CATSPERD: variants seen among roughly 807,000 people sequenced by gnomAD.
CATSPERD encodes the protein catsper channel auxiliary subunit delta.
A neutral mutation model predicts 98.1 loss-of-function variants in CATSPERD; 86 were observed. The ratio of observed to expected loss-of-function variants is 0.88; its 90% CI spans 0.74 to 1.05. The LOEUF (loss-of-function observed/expected upper bound fraction) is 1.05. Among genes scored for constraint, CATSPERD ranks in the 50% least tolerant of loss-of-function variants. CATSPERD has a pLI of 0.00. For missense variants in CATSPERD, 995 were observed against 1,005.7 expected, an observed-to-expected ratio of 0.99 and a Z score of 0.14; for synonymous variants, 394 against 390.2, an observed-to-expected ratio of 1.01 and a Z score of -0.12.
chr19:5,723,612 C>T (rs572943827), intron 1 of CATSPERD, among the ~76,000 whole-genome samples: 11 of 150,546 alleles, frequency 7.3e-5, no homozygotes, highest in African/African-American at 2.2e-4. Context: ...CTACAGGTGC[C>T]GCAACCACGC....
chr19:5,768,147 A>T, intron 17 of CATSPERD, 21 bp from the exon 18 acceptor site: 1 of 1,609,368 alleles, frequency 6.2e-7, no homozygotes, highest in Non-Finnish European at 8.5e-7. Flanking sequence ...GCCATTGCTC[A>T]ATGTCCACTT....
At position 5,753,837 on chromosome 19, in the gene CATSPERD, C is replaced by T. The variant is rs977225102; in HGVS notation, c.1165-295C>T. ...GCAGTGAGCCATGATCAAACCACTG[C>T]ACTCCAGCCTGGGCGACAGAGCGAG... On this transcript the variant is annotated intron_variant, in intron 12 of 21. Coordinates refer to ENST00000381624, the MANE Select transcript of CATSPERD (RefSeq NM_152784.4). The T allele has an allele frequency of 1.5e-5, 5 of 333,408 alleles. No homozygotes were observed. In the Admixed American group the frequency reaches 2.0e-4, roughly 13 times the overall value. The allele number at this position is 333,408 out of a possible 1,614,324, so 20.7% of individuals were successfully genotyped here.
At chr19:5,778,106 C>G (rs2056765259) in intron 21 of CATSPERD, among the ~76,000 whole-genome samples, 1 of 150,038 alleles carries the variant, frequency 6.7e-6, no homozygotes, top group African/African-American at 2.5e-5. Context: ...ACTTGGGAGG[C>G]TGAGGCAGGA....
chr19:5,776,398 C>G (rs1003763000), intron 21 of CATSPERD, 83 bp downstream of exon 21: 83 of 1,473,318 alleles, frequency 5.6e-5, no homozygotes, highest in Non-Finnish European at 3.4e-5. Context: ...ACATGCAGGT[C>G]CTGGCTAAAC....
chr19:5,772,919 C>T lies in CATSPERD; in HGVS notation c.1895C>T (p.Thr632Ile). 6.2e-7 allele frequency: 1 copy of T among 1,614,116 alleles called. No individual in the cohort carries two copies. Among genetic ancestry groups the T allele is most frequent in the Non-Finnish European group, 8.5e-7 (1 of 1,180,016 alleles). Residue 632 changes from threonine to isoleucine, a missense_variant, in exon 20 of 22, where the codon ACC becomes ATC. Thr to Ile is a moderately conservative substitution (Grantham distance 89). Coordinates refer to ENST00000381624, the MANE Select transcript of CATSPERD (RefSeq NM_152784.4). ...AMCTSQPQNW[T>I]TMIKEFGGPF... ...TGTACCTCCCAGCCGCAGAACTGGA[C>T]CACCATGATAAAGGAATTCGGGGGG...
intron 18 of CATSPERD, among the ~76,000 whole-genome samples, chr19:5,770,455 C>T (rs1477833430): frequency 6.8e-6 from 1 of 146,180 alleles, no homozygotes; most frequent in Non-Finnish European, 1.5e-5. Flanking sequence ...AAGGCAAAAA[C>T]CTCGATTACT....
chr19:5,766,495 T>C (rs891336241), intron 17 of CATSPERD, among the ~76,000 whole-genome samples: 1 of 148,822 alleles, frequency 6.7e-6, no homozygotes, highest in African/African-American at 2.5e-5. Flanking sequence ...GATATTGGAG[T>C]GGAGTGAGGA....
Position 5,757,830 on chromosome 19 carries a change from C to T in CATSPERD, c.1279-13C>T, listed in dbSNP as rs373688132. The T allele has an allele frequency of 1.2e-6, 2 of 1,608,864 alleles. No homozygotes were observed. The highest frequency in any genetic ancestry group is 2.2e-5 in the East Asian group (1 of 44,748). On this transcript the variant is annotated splice_polypyrimidine_tract_variant and intron_variant, in intron 13 of 21. Transcript: ENST00000381624. The stretch of plus-strand genomic sequence containing the variant: ...GGCTCCGTACAGCCTGAGCTTCTCT[C>T]CCCCACTCCCAGGTGATGGTGAGCA...
intron 15 of CATSPERD, among the ~76,000 whole-genome samples, chr19:5,760,097 A>AG (rs2056406223): frequency 3.4e-5 from 5 of 146,712 alleles, no homozygotes; most frequent in African/African-American, 1.3e-4. Context: ...AAAAAAAAAA[A>AG]GGCCGGGGGC....
chr19:5,752,908 A>G (rs908622757), intron 12 of CATSPERD, among the ~76,000 whole-genome samples: 8 of 151,786 alleles, frequency 5.3e-5, no homozygotes, highest in Admixed American at 2.6e-4. Context: ...CATGCTTGTA[A>G]TCCCAGCTAC....
At chr19:5,773,859 T>C (rs896015987) in intron 20 of CATSPERD, among the ~76,000 whole-genome samples, 1 of 152,044 alleles carries the variant, frequency 6.6e-6, no homozygotes, top group African/African-American at 2.4e-5. Flanking sequence ...TACAAAGAGA[T>C]TGCATCAGTC....
chr19:5,772,101 C>G (rs2446202), intron 19 of CATSPERD: 239,020 of 282,148 alleles, frequency 0.85, 101,572 homozygotes, highest in Admixed American at 0.88. Flanking sequence ...AGGCTGGAGT[C>G]CAGTGGCATG....
Position 5,763,293 on chromosome 19 carries a change from G to T in CATSPERD, c.1506G>T (p.Leu502=), listed in dbSNP as rs776049025. The T allele has an allele frequency of 6.2e-7, 1 of 1,612,376 alleles. No homozygotes were observed. The highest frequency in any genetic ancestry group is 1.1e-5 in the South Asian group (1 of 91,042). ...TTTCATGTGTGGATATCAAGCCACT[G>T]GTAGGTCCCAAATCTTTGCTGTCCC... The part of the protein sequence containing the change: ...KEISCVDIKP[L]STLISVGCDL... The change falls in exon 16 of 22, where the codon CTG becomes CTT. Residue 502 remains leucine, a splice_region_variant and synonymous_variant. Coordinates refer to ENST00000381624, the MANE Select transcript of CATSPERD (RefSeq NM_152784.4).
At chr19:5,762,243 T>C (rs2056454746) in intron 15 of CATSPERD, among the ~76,000 whole-genome samples, 2 of 149,334 alleles carry the variant, frequency 1.3e-5, no homozygotes, top group South Asian at 4.2e-4. Flanking sequence ...TTTGTATTAT[T>C]AGTAGAGACA....
intron 18 of CATSPERD, among the ~76,000 whole-genome samples, chr19:5,770,265 C>G (rs2056620374): frequency 6.7e-6 from 1 of 148,790 alleles, no homozygotes; most frequent in Admixed American, 6.8e-5. Flanking sequence ...CACATCTCTA[C>G]TAAAAACACA....
chr19:5,750,450 CAAA>C (rs60496454), intron 11 of CATSPERD, among the ~76,000 whole-genome samples: 1 of 48,654 alleles, frequency 2.1e-5, no homozygotes, highest in Non-Finnish European at 3.5e-5. Flanking sequence ...GACTCTGTCT[CAAA>C]AAAAAAAAAA....
intron 11 of CATSPERD, among the ~76,000 whole-genome samples, 158 bp downstream of exon 11, chr19:5,749,341 A>C (rs1408764432): frequency 6.6e-6 from 1 of 151,978 alleles, no homozygotes; most frequent in Admixed American, 6.6e-5. Flanking sequence ...AAAATACAAA[A>C]ATTAGCCGAG....
At chr19:5,764,314 ATTTATTTTT>A (rs1402067818) in intron 16 of CATSPERD, among the ~76,000 whole-genome samples, 1 of 146,128 alleles carries the variant, frequency 6.8e-6, no homozygotes, top group Non-Finnish European at 1.5e-5. Flanking sequence ...GGTTTGCTTT[ATTTATTTTT>A]TTTATTTTTT....
At chr19:5,778,277 G>A (rs1029924670) in intron 21 of CATSPERD, 99 bp from the exon 22 acceptor site, 12 of 1,052,320 alleles carry the variant, frequency 1.1e-5, no homozygotes, top group Non-Finnish European at 1.7e-5. Flanking sequence ...CTGTGGGCCT[G>A]GTTCTCCCTC....
Sources: allele counts gnomAD v4.1 joint callset (sites outside exome capture counted in the v4.1 genomes callset), GRCh38; gene constraint gnomAD v4.1.1; transcripts MANE v1.5; gene names NCBI Gene and HGNC (gene_info 2026-07-23, HGNC 2026-07-21).